NFATC2: variants seen among roughly 807,000 people sequenced by gnomAD.
NFATC2 encodes the protein nuclear factor of activated T cells 2.
Under a neutral mutation model 87.3 loss-of-function variants are expected in NFATC2, and 22 were observed. That is an observed-to-expected ratio of 0.25 (90% CI 0.18 to 0.36). NFATC2 has a LOEUF of 0.36. Among genes scored for constraint, NFATC2 ranks in the 10% least tolerant of loss-of-function variants. The pLI is 1.00. For synonymous variants in NFATC2, 565 were observed against 542.2 expected (o/e 1.04, Z -0.58); for missense variants, 1,149 against 1,259.1 (o/e 0.91, Z 1.32).
intron 1 of NFATC2, among the ~76,000 whole-genome samples, chr20:51,527,405 C>T (rs1454088520): frequency 6.6e-6 from 1 of 152,194 alleles, no homozygotes; most frequent in African/African-American, 2.4e-5. Flanking sequence ...AGGCCCCACT[C>T]ACAGGCCCCT....
chr20:51,420,468 A>G (rs953106375), intron 9 of NFATC2, among the ~76,000 whole-genome samples: 3 of 152,226 alleles, frequency 2.0e-5, no homozygotes, highest in African/African-American at 4.8e-5. Context: ...CTCATCATGG[A>G]GATATAACTG....
At position 51,506,444 on chromosome 20, in the gene NFATC2, C is replaced by T. The variant is rs375036073; in HGVS notation, c.1332+10340G>A. ...TGACATTCGCAATGTCTCCCAGGAT[C>T]CAGAGGAAACAGAGCCCCGTGAGAA... is the stretch of plus-strand genomic sequence containing the variant. On this transcript the variant is annotated intron_variant, in intron 3 of 10. Coordinates refer to ENST00000371564, the MANE Select transcript of NFATC2 (RefSeq NM_012340.5). Among the ~76,000 whole-genome samples the T allele has an allele frequency of 3.3e-5, 5 of 152,276 alleles. No homozygotes were observed. The East Asian group carries it at 7.7e-4, about 23-fold the overall frequency.
intron 3 of NFATC2, among the ~76,000 whole-genome samples, chr20:51,514,530 T>A (rs2095315788): frequency 6.6e-6 from 1 of 152,082 alleles, no homozygotes; most frequent in Admixed American, 6.6e-5. Context: ...GAATTACAAG[T>A]AGTGGCAGGT....
At chr20:51,541,156 T>G (rs1600995054) in intron 1 of NFATC2, among the ~76,000 whole-genome samples, 1 of 152,096 alleles carries the variant, frequency 6.6e-6, no homozygotes, top group East Asian at 1.9e-4. Flanking sequence ...AAGCGAAAAC[T>G]TCATTATCTG....
chr20:51,524,929 A>G lies in NFATC2; in HGVS notation c.131-819T>C, dbSNP rs1568728720. Among the ~76,000 whole-genome samples the G allele has an allele frequency of 6.6e-6, 1 of 152,104 alleles. No homozygotes were observed. The highest frequency in any genetic ancestry group is 1.5e-5 in the Non-Finnish European group (1 of 68,024). ...CCTGACACCCAAACTATTAGACCCA[A>G]TGGATGCAGGCCGGGCGTGGTGGCT... On this transcript the variant is annotated intron_variant, in intron 1 of 10. Transcript: ENST00000371564. The surrounding 1 kb of genome is among the most constrained non-coding windows in gnomAD (Gnocchi z 4.0).
chr20:51,463,114 G>T (rs1217192658), intron 5 of NFATC2, among the ~76,000 whole-genome samples: 1 of 152,222 alleles, frequency 6.6e-6, no homozygotes. Context: ...GCCTGGCTTG[G>T]CCCAGAATGT....
chr20:51,455,937 T>TGGGTGGGTGGGTGGGTGGGTGG (rs1474025619), intron 5 of NFATC2, among the ~76,000 whole-genome samples: 1 of 24,476 alleles, frequency 4.1e-5, no homozygotes, highest in Non-Finnish European at 8.2e-5. Context: ...GGTGGGTGGG[T>TGGGTGGGTGGGTGGGTGGGTGG]AGATGGATGG....
At chr20:51,498,293 CAAAG>C (rs2076022709) in intron 3 of NFATC2, among the ~76,000 whole-genome samples, 1 of 152,292 alleles carries the variant, frequency 6.6e-6, no homozygotes, top group East Asian at 1.9e-4. Flanking sequence ...ACCAAAGCCT[CAAAG>C]CAGCAGCAAC....
chr20:51,542,659 G>A lies in NFATC2; in HGVS notation c.-160C>T, dbSNP rs2076840458. On this transcript the variant is annotated 5_prime_UTR_variant, in exon 1 of 11. Coordinates refer to ENST00000371564, the MANE Select transcript of NFATC2 (RefSeq NM_012340.5). ...CGGGGACGGCGCGCCTGGCGCAGCG[G>A]GTCCTGGACGCGCCCGGGGAAGCTG... is the stretch of plus-strand genomic sequence containing the variant. 2 of 1,170,938 alleles carry A rather than the reference G, an allele frequency of 1.7e-6. No individual in the cohort carries two copies. The highest frequency in any genetic ancestry group is 1.6e-5 in the African/African-American group (1 of 61,770). The allele number at this position is 1,170,938 out of a possible 1,614,324, so 72.5% of individuals were successfully genotyped here. A position where few individuals can be genotyped will look rare whatever the true frequency, so the allele number is the denominator to read the frequency against.
chr20:51,524,945 C>T lies in NFATC2; in HGVS notation c.131-835G>A, dbSNP rs6063663. Among the ~76,000 whole-genome samples the T allele has an allele frequency of 0.39, 59,226 of 152,018 alleles. 11,844 individuals are homozygous for T. Among genetic ancestry groups the T allele is most frequent in the South Asian group, 0.45 (2,158 of 4,810 alleles). ...TTAGACCCAATGGATGCAGGCCGGG[C>T]GTGGTGGCTCACACCTGGAATCCCG... On this transcript the variant is annotated intron_variant, in intron 1 of 10. Coordinates refer to ENST00000371564, the MANE Select transcript of NFATC2 (RefSeq NM_012340.5). This position sits in a 1 kb window ranked among gnomAD's most constrained non-coding sequence, Gnocchi z 4.0.
intron 6 of NFATC2, among the ~76,000 whole-genome samples, chr20:51,448,333 G>A (rs546635129): frequency 3.3e-5 from 5 of 152,266 alleles, no homozygotes; most frequent in South Asian, 2.1e-4. Flanking sequence ...ATAGGAGGCC[G>A]CAGGCTTGAA....
intron 5 of NFATC2, among the ~76,000 whole-genome samples, chr20:51,460,654 A>G (rs1014926823): frequency 7.3e-5 from 10 of 137,896 alleles, no homozygotes; most frequent in East Asian, 6.4e-4. Flanking sequence ...TTTTTTTTTA[A>G]TAGAGACTGG....
chr20:51,463,653 G>C (rs1434854021), intron 5 of NFATC2, among the ~76,000 whole-genome samples: 1 of 152,198 alleles, frequency 6.6e-6, no homozygotes, highest in Non-Finnish European at 1.5e-5. Context: ...CTCTGCCCCT[G>C]CCTTGCCAGC....
chr20:51,395,575 C>T (rs1348600714), intron 10 of NFATC2, among the ~76,000 whole-genome samples: 1 of 42,558 alleles, frequency 2.3e-5, no homozygotes, highest in Non-Finnish European at 4.1e-5. Flanking sequence ...ACAGAGGTGC[C>T]CTAAAAGACT....
chr20:51,482,447 C>T (rs1989343451), intron 3 of NFATC2, among the ~76,000 whole-genome samples: 1 of 152,118 alleles, frequency 6.6e-6, no homozygotes, highest in South Asian at 2.1e-4. Flanking sequence ...AAAGAATACC[C>T]CTTGAAAATA....
chr20:51,418,219 C>T (rs186620739), intron 9 of NFATC2, among the ~76,000 whole-genome samples: 114 of 152,310 alleles, frequency 7.5e-4, no homozygotes, highest in Non-Finnish European at 1.4e-3. Context: ...ACTCCTTCCC[C>T]GAAACACACA....
chr20:51,478,621 C>G (rs530755589), intron 3 of NFATC2, among the ~76,000 whole-genome samples: 11 of 152,344 alleles, frequency 7.2e-5, no homozygotes, highest in Admixed American at 2.6e-4. Flanking sequence ...TTACCTCTGG[C>G]TGGTCTTTCA....
intron 10 of NFATC2, among the ~76,000 whole-genome samples, chr20:51,397,675 G>C (rs2034451846): frequency 1.3e-5 from 2 of 152,258 alleles, no homozygotes; most frequent in African/African-American, 4.8e-5. Context: ...GTGGCAGATG[G>C]CTGGAGAATG....
chr20:51,521,063 GAGA>G (rs2076437222), intron 2 of NFATC2, among the ~76,000 whole-genome samples: 1 of 152,206 alleles, frequency 6.6e-6, no homozygotes. Flanking sequence ...TGAAGTCTCT[GAGA>G]AGGCCTGCAC....
Sources: allele counts gnomAD v4.1 joint callset (sites outside exome capture counted in the v4.1 genomes callset), GRCh38; gene constraint gnomAD v4.1.1; non-coding constraint Gnocchi (gnomAD v3.1); transcripts MANE v1.5; gene names NCBI Gene and HGNC (gene_info 2026-07-23, HGNC 2026-07-21).